The following ANK3 variants were observed in gnomAD, a reference collection of about 807,000 sequenced individuals.
The protein encoded by ANK3 is ankyrin-3.
A neutral mutation model predicts 370.9 loss-of-function variants in ANK3; 57 were observed. The observed-to-expected ratio is 0.15, with a 90% CI of 0.12 to 0.19. The LOEUF is 0.19. Ranked by LOEUF, ANK3 falls within the 10% of genes least tolerant of loss-of-function variation. ANK3 has a pLI of 1.00. For synonymous variants in ANK3, 1,929 were observed against 1,946.3 expected, an observed-to-expected ratio of 0.99 and a Z score of 0.23; for missense variants, 4,439 against 5,302.1, an observed-to-expected ratio of 0.84 and a Z score of 5.06.
intron 1 of ANK3, among the ~76,000 whole-genome samples, chr10:60,651,991 T>C (rs1456291306): frequency 2.6e-5 from 4 of 152,132 alleles, no homozygotes; most frequent in Non-Finnish European, 4.4e-5. Context: ...TTACTGATAG[T>C]TGTTTAATTT....
At chr10:60,685,180 A>C in intron 1 of ANK3, 2 of 473,378 alleles carry the variant, frequency 4.2e-6, no homozygotes, top group South Asian at 2.1e-5. Context: ...GCCCTCCTGG[A>C]TGCTATTAAA....
rs1174768054 is a variant in ANK3 at position 60,124,786 on chromosome 10, C to T, written c.2841+9485G>A. Among the ~76,000 whole-genome samples the T allele has an allele frequency of 2.0e-5, 3 of 152,302 alleles. No homozygotes were observed. The East Asian group carries it at 5.8e-4, about 29-fold the overall frequency. ...CATCAGGTTTACAGTCCATTCTCAGCTCTACCGCCTAATAGCTGTGGACAA... is the reference window on the plus strand; with the variant it reads ...CATCAGGTTTACAGTCCATTCTCAGTTCTACCGCCTAATAGCTGTGGACAA... On this transcript the variant is annotated intron_variant, in intron 25 of 43. Transcript: ENST00000280772.
chr10:60,330,999 A>G (rs2051119171), intron 1 of ANK3, among the ~76,000 whole-genome samples: 1 of 152,130 alleles, frequency 6.6e-6, no homozygotes, highest in Non-Finnish European at 1.5e-5. Flanking sequence ...CATTATTCTC[A>G]GCAAACTAAC....
At chr10:60,732,150 C>T (rs953473646) in intron 1 of ANK3, among the ~76,000 whole-genome samples, 9 of 152,060 alleles carry the variant, frequency 5.9e-5, no homozygotes, top group African/African-American at 2.2e-4. Flanking sequence ...ATTTATTCTT[C>T]TGCGAAAATA....
chr10:60,538,756 T>C (rs964509971), intron 2 of ANK3, among the ~76,000 whole-genome samples: 2 of 151,896 alleles, frequency 1.3e-5, no homozygotes, highest in African/African-American at 4.8e-5. Flanking sequence ...ATATAGAAAA[T>C]AGTAAATATA....
intron 1 of ANK3, among the ~76,000 whole-genome samples, chr10:60,644,905 C>G (rs868132561): frequency 4.8e-4 from 20 of 41,508 alleles, no homozygotes; most frequent in African/African-American, 1.5e-3. Flanking sequence ...AAAAAAAAAA[C>G]GATGAGTCAT....
At chr10:60,224,494 G>A (rs1319127674) in intron 8 of ANK3, among the ~76,000 whole-genome samples, 2 of 152,150 alleles carry the variant, frequency 1.3e-5, no homozygotes, top group South Asian at 2.1e-4. Flanking sequence ...GAAGCAGGAT[G>A]TTAAGGCATC....
intron 2 of ANK3, among the ~76,000 whole-genome samples, chr10:60,584,646 G>T (rs2077805669): frequency 2.6e-5 from 4 of 152,150 alleles, no homozygotes; most frequent in Admixed American, 2.6e-4. Flanking sequence ...CAACAAAAAT[G>T]AAGAGCATCA....
chr10:60,318,965 T>C (rs1170930633), intron 1 of ANK3, among the ~76,000 whole-genome samples: 1 of 152,196 alleles, frequency 6.6e-6, no homozygotes, highest in African/African-American at 2.4e-5. Flanking sequence ...TATGAATCCA[T>C]TTGATACCAC....
chr10:60,414,241 T>C (rs1172269221), intron 2 of ANK3, among the ~76,000 whole-genome samples: 1 of 152,174 alleles, frequency 6.6e-6, no homozygotes, highest in African/African-American at 2.4e-5. Flanking sequence ...TTCTGTAGAA[T>C]AGATTCAATC....
Position 60,075,201 on chromosome 10 carries a change from A to G in ANK3, c.5680T>C (p.Ser1894Pro). Residue 1894 changes from serine to proline, a missense_variant, in exon 37 of 44, where the codon TCT (serine) becomes CCT (proline). Ser to Pro is a moderately conservative substitution (Grantham distance 74). This residue lies in a region of ANK3 where 679 missense variants were observed against 791.0 expected (regional missense o/e 0.86). Coordinates refer to ENST00000280772, the MANE Select transcript of ANK3 (RefSeq NM_020987.5). ...AGTATCTCCTGACTGGAAGATAAAG[A>G]AGATGGTGTAGACAACTTAAGGGCA... ...PSALKLSTPS[S>P]LSSSQEILKD... 6.2e-7 allele frequency: 1 copy of G among 1,614,188 alleles called. No individual in the cohort carries two copies. Among genetic ancestry groups the G allele is most frequent in the Non-Finnish European group, 8.5e-7 (1 of 1,180,022 alleles).
intron 21 of ANK3, among the ~76,000 whole-genome samples, chr10:60,167,666 T>C (rs1054910420): frequency 6.8e-5 from 10 of 147,414 alleles, no homozygotes; most frequent in African/African-American, 2.4e-4. Flanking sequence ...GTTTTTTTTT[T>C]GTTTTGTTTT....
At chr10:60,272,453 TTTGTTG>T (rs145292305) in intron 4 of ANK3, among the ~76,000 whole-genome samples, 13 of 144,128 alleles carry the variant, frequency 9.0e-5, no homozygotes, top group Admixed American at 6.4e-4. Context: ...TTAGAAGTTT[TTTGTTG>T]TTGTTGTTGT....
At chr10:60,228,928 C>T (rs1017910877) in intron 8 of ANK3, among the ~76,000 whole-genome samples, 2 of 152,072 alleles carry the variant, frequency 1.3e-5, no homozygotes, top group African/African-American at 4.8e-5. Context: ...TAGGTTGGTG[C>T]AACAACAATT....
chr10:60,035,347 C>T (rs1037626492), intron 43 of ANK3, among the ~76,000 whole-genome samples: 5 of 152,022 alleles, frequency 3.3e-5, no homozygotes, highest in African/African-American at 1.2e-4. Flanking sequence ...CTCCTAGGTT[C>T]AAGCGATTCT....
intron 23 of ANK3, among the ~76,000 whole-genome samples, chr10:60,157,640 T>C (rs1014817840): frequency 1.3e-5 from 2 of 151,810 alleles, no homozygotes; most frequent in African/African-American, 4.8e-5. Flanking sequence ...CAAGCAGAAA[T>C]TCAGGAGTTG....
chr10:60,046,808 A>AT (rs10632318), intron 42 of ANK3, among the ~76,000 whole-genome samples: 15,209 of 138,572 alleles, frequency 0.11, 1,210 homozygotes, highest in African/African-American at 0.18. Flanking sequence ...AGTAATCTCA[A>AT]TTTTTTTTTT....
intron 2 of ANK3, among the ~76,000 whole-genome samples, chr10:60,440,332 A>G (rs1213122117): frequency 6.6e-6 from 1 of 152,112 alleles, no homozygotes; most frequent in Admixed American, 6.5e-5. Flanking sequence ...GGTATACTTG[A>G]CTCACAGTTA....
chr10:60,654,595 T>C (rs1223751463), intron 1 of ANK3, among the ~76,000 whole-genome samples: 2 of 152,198 alleles, frequency 1.3e-5, no homozygotes, highest in East Asian at 3.8e-4. Context: ...GTAAATTACA[T>C]CGATTTCTGA....
Sources: allele counts gnomAD v4.1 joint callset (sites outside exome capture counted in the v4.1 genomes callset), GRCh38; gene constraint gnomAD v4.1.1; regional missense constraint gnomAD v4.1.1; transcripts MANE v1.5; gene names NCBI Gene and HGNC (gene_info 2026-07-23, HGNC 2026-07-21).